The following NF1 variants were observed in gnomAD, a reference collection of about 807,000 sequenced individuals.
NF1 encodes the protein neurofibromin.
A neutral mutation model predicts 325.7 loss-of-function variants in NF1; 122 were observed. The observed-to-expected ratio is 0.37, with a 90% CI of 0.32 to 0.44. NF1 has a LOEUF of 0.44. NF1 is among the 20% of genes least tolerant of loss of function. The pLI, the probability that NF1 is intolerant of heterozygous loss-of-function variation, is 1.00. For missense variants in NF1, 2,140 were observed against 3,415.4 expected, an observed-to-expected ratio of 0.63 and a Z score of 9.31; for synonymous variants, 1,091 against 1,186.0, an observed-to-expected ratio of 0.92 and a Z score of 1.65.
Position 31,104,308 on chromosome 17 carries a change from G to A in NF1, c.60+8939G>A, listed in dbSNP as rs531485382. ...TAAGCAGCGTATTAATTAAAAATGT[G>A]TTTTCCACTTGTGTTCCTTAGGTCT... On this transcript the variant is annotated intron_variant, in intron 1 of 57. Coordinates refer to ENST00000358273, the MANE Select transcript of NF1 (RefSeq NM_001042492.3). 3.3e-5 allele frequency among the ~76,000 whole-genome samples: 5 copies of A among 152,220 alleles called. No individual in the cohort carries two copies. The South Asian group carries it at 8.3e-4, about 25-fold the overall frequency.
At chr17:31,177,228 C>T (rs150389614) in intron 5 of NF1, among the ~76,000 whole-genome samples, 1 of 152,132 alleles carries the variant, frequency 6.6e-6, no homozygotes, top group Non-Finnish European at 1.5e-5. Context: ...TAGGAACACG[C>T]AGCAATCTTT....
At chr17:31,135,417 C>T (rs1306558075) in intron 1 of NF1, among the ~76,000 whole-genome samples, 1 of 151,942 alleles carries the variant, frequency 6.6e-6, no homozygotes. Flanking sequence ...TGCCTGTATG[C>T]TTTATGTTTG....
At chr17:31,307,223 T>C (rs1217133228) in intron 36 of NF1, among the ~76,000 whole-genome samples, 2 of 151,576 alleles carry the variant, frequency 1.3e-5, no homozygotes, top group African/African-American at 4.9e-5. Flanking sequence ...GGTTTCACCG[T>C]GTTGGCCAGG....
At chr17:31,246,798 A>G (rs1432345046) in intron 29 of NF1, among the ~76,000 whole-genome samples, 2 of 152,194 alleles carry the variant, frequency 1.3e-5, no homozygotes, top group African/African-American at 4.8e-5. Flanking sequence ...ACCAACTCAT[A>G]ATGATTGATA....
In NF1 at chr17:31,258,520, T is replaced by G; in HGVS notation, c.4332+18T>G. On this transcript the variant is annotated intron_variant, in intron 32 of 57. Transcript: ENST00000358273. The stretch of plus-strand genomic sequence containing the variant: ...TGTCAAAGGTGAATTATTTTGATAA[T>G]CTAGCTATCTTAAATTCCCCTTCCA... 6.2e-7 allele frequency: 1 copy of G among 1,612,598 alleles called. No individual in the cohort carries two copies. The highest frequency in any genetic ancestry group is 2.2e-5 in the East Asian group (1 of 44,796).
intron 36 of NF1, among the ~76,000 whole-genome samples, chr17:31,311,154 T>C (rs542552740): frequency 2.6e-5 from 4 of 152,102 alleles, no homozygotes; most frequent in Admixed American, 2.0e-4. Flanking sequence ...GGTTTCACCA[T>C]GTCACCCAGA....
intron 36 of NF1, among the ~76,000 whole-genome samples, chr17:31,324,461 G>A (rs553467233): frequency 9.2e-5 from 14 of 152,254 alleles, no homozygotes; most frequent in Non-Finnish European, 1.5e-4. Flanking sequence ...AAATTGTTTC[G>A]TCTAGCTGTT....
chr17:31,356,775 T>C (rs1328470554), intron 52 of NF1, 185 bp from the exon 53 acceptor site: 5 of 1,115,878 alleles, frequency 4.5e-6, no homozygotes, highest in Non-Finnish European at 5.1e-6. Flanking sequence ...ATATATATTA[T>C]ATACAGCATT....
At chr17:31,095,930 C>T (rs555945610) in intron 1 of NF1, among the ~76,000 whole-genome samples, 304 of 152,186 alleles carry the variant, frequency 2.0e-3, no homozygotes, top group African/African-American at 6.9e-3. Context: ...GCAAGGAAGG[C>T]ACAGGTTTTC....
rs946733760 is a variant in NF1 at position 31,136,079 on chromosome 17, G to A, written c.61-19904G>A. On this transcript the variant is annotated intron_variant, in intron 1 of 57. Coordinates refer to ENST00000358273, the MANE Select transcript of NF1 (RefSeq NM_001042492.3). ...GCGCGGTGGCTCACGCCTGTAATCC[G>A]AACACTTTGGGAGGCCGAGGCGGGC... Among the ~76,000 whole-genome samples the A allele has an allele frequency of 4.6e-5, 7 of 151,774 alleles. No homozygotes were observed. In the South Asian group the frequency reaches 1.5e-3, roughly 32 times the overall value.
chr17:31,241,651 A>G (rs2067298981), intron 29 of NF1, among the ~76,000 whole-genome samples: 1 of 152,186 alleles, frequency 6.6e-6, no homozygotes, highest in African/African-American at 2.4e-5. Flanking sequence ...TAAAAACTCT[A>G]CACTTTAACT....
chr17:31,171,830 A>G (rs1177667568), intron 5 of NF1, among the ~76,000 whole-genome samples: 2 of 152,234 alleles, frequency 1.3e-5, no homozygotes, highest in Admixed American at 6.5e-5. Flanking sequence ...ATAAGAAGCC[A>G]TGCTAAGTGC....
intron 39 of NF1, among the ~76,000 whole-genome samples, chr17:31,333,825 TA>T (rs2069568724): frequency 6.6e-6 from 1 of 152,236 alleles, no homozygotes; most frequent in South Asian, 2.1e-4. Context: ...TAAAAATAGT[TA>T]AAATGGTAAA....
chr17:31,161,695 GT>G (rs1379167264), intron 3 of NF1, among the ~76,000 whole-genome samples: 2 of 152,140 alleles, frequency 1.3e-5, no homozygotes, highest in Non-Finnish European at 2.9e-5. Context: ...CCCCTAAACT[GT>G]TTAACCTCAA....
At chr17:31,370,779 G>A (rs1270020199) in intron 57 of NF1, among the ~76,000 whole-genome samples, 1 of 152,208 alleles carries the variant, frequency 6.6e-6, no homozygotes, top group African/African-American at 2.4e-5. Context: ...CTGGCAGAGA[G>A]TCACAGGGCC....
chr17:31,194,289 A>T lies in NF1; in HGVS notation c.889-6133A>T, dbSNP rs114754144. Among the ~76,000 whole-genome samples, 357 of 152,334 alleles carry T rather than the reference A, an allele frequency of 2.3e-3. 3 individuals carry two copies. Among genetic ancestry groups the T allele is most frequent in the African/African-American group, 8.4e-3 (349 of 41,574 alleles). On this transcript the variant is annotated intron_variant, in intron 8 of 57. Coordinates refer to ENST00000358273, the MANE Select transcript of NF1 (RefSeq NM_001042492.3). ...ATTAAGTGAAATAAGCCAGGGACAG[A>T]ACATTAAACACTGAGTGTTCTCATT...
chr17:31,266,110 A>T, intron 36 of NF1, among the ~76,000 whole-genome samples: 1 of 152,230 alleles, frequency 6.6e-6, no homozygotes, highest in Non-Finnish European at 1.5e-5. Context: ...TTGGAATCTC[A>T]AGGACCATGT....
intron 36 of NF1, chr17:31,318,725 G>GT: frequency 6.2e-7 from 1 of 1,614,018 alleles, no homozygotes; most frequent in Non-Finnish European, 8.5e-7. Context: ...ACGACAGAAG[G>GT]TATATAAAGC....
chr17:31,321,023 C>A (rs1207371323), intron 36 of NF1: 1 of 152,152 alleles, frequency 6.6e-6, no homozygotes, highest in Non-Finnish European at 1.5e-5. Context: ...CCCAAATAAA[C>A]AAACTGTATG....
Sources: allele counts gnomAD v4.1 joint callset (sites outside exome capture counted in the v4.1 genomes callset), GRCh38; gene constraint gnomAD v4.1.1; transcripts MANE v1.5; gene names NCBI Gene and HGNC (gene_info 2026-07-23, HGNC 2026-07-21).